Variants in MYOZ2 observed in about 807,000 individuals in gnomAD.
MYOZ2 encodes myozenin 2.
MYOZ2 carries 19 observed loss-of-function variants against 25.4 expected under a neutral mutation model. The observed-to-expected ratio is 0.75, with a 90% CI of 0.52 to 1.10. The LOEUF is 1.10. Ranked by LOEUF, MYOZ2 falls within the 50% of genes least tolerant of loss-of-function variation. The pLI is 0.00. For missense variants in MYOZ2, 270 were observed against 317.9 expected (o/e 0.85, Z 1.15); for synonymous variants, 92 against 106.9 (o/e 0.86, Z 0.86).
chr4:119,165,080 A>G (rs1303256822), intron 5 of MYOZ2, among the ~76,000 whole-genome samples: 1 of 149,820 alleles, frequency 6.7e-6, no homozygotes, highest in Non-Finnish European at 1.5e-5. Flanking sequence ...AATATCTAGT[A>G]TGCTGTCTCA....
At chr4:119,164,505 G>A (rs1317418822) in intron 5 of MYOZ2, 111 bp downstream of exon 5, 2 of 1,038,332 alleles carry the variant, frequency 1.9e-6, no homozygotes, top group Non-Finnish European at 2.9e-6. Flanking sequence ...TTTGAGAAAA[G>A]AATCTAAATA....
At chr4:119,142,306 G>A (rs934459045) in intron 2 of MYOZ2, among the ~76,000 whole-genome samples, 19 of 152,216 alleles carry the variant, frequency 1.2e-4, no homozygotes, top group Non-Finnish European at 2.1e-4. Context: ...AGAGCGTAAC[G>A]TCTCTTCTAT....
intron 4 of MYOZ2, among the ~76,000 whole-genome samples, chr4:119,162,945 T>G (rs1741743011): frequency 6.6e-6 from 1 of 152,226 alleles, no homozygotes; most frequent in South Asian, 2.1e-4. Context: ...TCATTTATTT[T>G]GATAAATATA....
At chr4:119,152,188 AT>A (rs201588948) in intron 3 of MYOZ2, among the ~76,000 whole-genome samples, 34,240 of 152,032 alleles carry the variant, frequency 0.23, 4,586 homozygotes, top group South Asian at 0.36. Context: ...TTACTCAACT[AT>A]AGTATTTATA....
At chr4:119,136,123 A>C in intron 1 of MYOZ2, 141 bp downstream of exon 1, 1 of 247,948 alleles carries the variant, frequency 4.0e-6, no homozygotes, top group Non-Finnish European at 7.9e-6. Context: ...ATTCTGGTTT[A>C]GTCTAGTGTC....
At chr4:119,179,778 G>A (rs1742151068) in intron 5 of MYOZ2, among the ~76,000 whole-genome samples, 1 of 152,226 alleles carries the variant, frequency 6.6e-6, no homozygotes, top group African/African-American at 2.4e-5. Flanking sequence ...TTCTTGCTGT[G>A]TCCTCACATG....
chr4:119,164,286 C>T lies in MYOZ2; in HGVS notation c.452C>T (p.Pro151Leu). ...GCTGTCCCTAAGTACTATCAATCTC[C>T]CTGGGAACAAGCCATTAGCAATGAT... is the stretch of plus-strand genomic sequence containing the variant. ...TTAVPKYYQS[P>L]WEQAISNDPE... is the part of the protein sequence containing the mutation. Residue 151 changes from proline (P) to leucine (L), a missense_variant, in exon 5 of 6, where the codon CCC becomes CTC. By Grantham distance (98) the Pro-to-Leu change is moderately conservative (BLOSUM62 -3). Transcript: ENST00000307128. 3 of 1,613,972 alleles carry T rather than the reference C, an allele frequency of 1.9e-6. No individual in the cohort carries two copies. The highest frequency in any genetic ancestry group is 2.5e-6 in the Non-Finnish European group (3 of 1,179,932).
intron 5 of MYOZ2, among the ~76,000 whole-genome samples, chr4:119,176,428 G>A (rs1264003866): frequency 6.6e-6 from 1 of 152,112 alleles, no homozygotes; most frequent in Non-Finnish European, 1.5e-5. Context: ...TCGCCATGTT[G>A]GCCAGGCTGG....
intron 3 of MYOZ2, among the ~76,000 whole-genome samples, chr4:119,151,257 A>G (rs1741444909): frequency 6.6e-6 from 1 of 152,156 alleles, no homozygotes. Context: ...GGACATTGTA[A>G]GCTTGTAGAT....
chr4:119,136,697 A>AT, intron 2 of MYOZ2, 96 bp downstream of exon 2: 1 of 1,305,618 alleles, frequency 7.7e-7, no homozygotes. Flanking sequence ...CTTCCTTTAG[A>AT]TTCTTGCTGT....
intron 2 of MYOZ2, among the ~76,000 whole-genome samples, chr4:119,149,254 T>C (rs991323269): frequency 2.0e-5 from 3 of 152,220 alleles, no homozygotes; most frequent in African/African-American, 7.2e-5. Context: ...AGCTAGTTAC[T>C]GGCCAAAAGG....
intron 5 of MYOZ2, among the ~76,000 whole-genome samples, chr4:119,182,989 T>TA (rs968913420): frequency 1.3e-4 from 19 of 151,990 alleles, no homozygotes; most frequent in African/African-American, 2.2e-4. Context: ...AATTCTTTAA[T>TA]AAAAAAACAC....
At chr4:119,153,057 G>A (rs960001743) in intron 3 of MYOZ2, among the ~76,000 whole-genome samples, 11 of 139,248 alleles carry the variant, frequency 7.9e-5, no homozygotes, top group African/African-American at 2.7e-4. Context: ...CTCAAAAAGC[G>A]TTGCCTTTTT....
chr4:119,164,499 A>G (rs988913677), intron 5 of MYOZ2, 105 bp downstream of exon 5: 72 of 1,162,886 alleles, frequency 6.2e-5, no homozygotes, highest in Middle Eastern at 4.0e-4. Context: ...TTTTCTTTTG[A>G]GAAAAGAATC....
At chr4:119,141,548 A>C (rs1461438523) in intron 2 of MYOZ2, among the ~76,000 whole-genome samples, 2 of 151,908 alleles carry the variant, frequency 1.3e-5, no homozygotes, top group African/African-American at 4.8e-5. Flanking sequence ...ACGCTTGGCT[A>C]ATTTTTGTAT....
chr4:119,155,463 G>A (rs6820870), intron 3 of MYOZ2, among the ~76,000 whole-genome samples: 89,737 of 151,940 alleles, frequency 0.59, 28,799 homozygotes, highest in Non-Finnish European at 0.72. Flanking sequence ...AGACATTTCC[G>A]GTAGATTAAG....
intron 2 of MYOZ2, among the ~76,000 whole-genome samples, chr4:119,143,658 A>T (rs575225705): frequency 6.6e-6 from 1 of 152,180 alleles, no homozygotes; most frequent in African/African-American, 2.4e-5. Flanking sequence ...CACACAGGAT[A>T]GTTTCTCGGC....
intron 2 of MYOZ2, among the ~76,000 whole-genome samples, chr4:119,140,578 C>T (rs575569517): frequency 6.6e-6 from 1 of 152,142 alleles, no homozygotes; most frequent in African/African-American, 2.4e-5. Flanking sequence ...GAGCATCTAA[C>T]CCCTAATAAG....
intron 5 of MYOZ2, among the ~76,000 whole-genome samples, chr4:119,174,936 C>T (rs868392077): frequency 6.6e-6 from 1 of 152,018 alleles, no homozygotes; most frequent in African/African-American, 2.4e-5. Flanking sequence ...GACGTGCTGC[C>T]TTAAGAGCTG....
Sources: allele counts gnomAD v4.1 joint callset (sites outside exome capture counted in the v4.1 genomes callset), GRCh38; gene constraint gnomAD v4.1.1; transcripts MANE v1.5; gene names NCBI Gene and HGNC (gene_info 2026-07-23, HGNC 2026-07-21).